KIF13A: variants seen among roughly 807,000 people sequenced by gnomAD.
KIF13A encodes the protein kinesin family member 13A, also known as kinesin-like protein KIF13A.
A neutral mutation model predicts 212.2 loss-of-function variants in KIF13A; 79 were observed. The ratio of observed to expected loss-of-function variants is 0.37; its 90% CI spans 0.31 to 0.45. The LOEUF (loss-of-function observed/expected upper bound fraction) is 0.45, where lower values mean the gene tolerates loss of function less well. KIF13A is among the 20% of genes least tolerant of loss of function. The pLI, the probability that KIF13A is intolerant of heterozygous loss-of-function variation, is 1.00. For missense variants in KIF13A, 1,901 were observed against 2,209.0 expected (o/e 0.86, Z 2.79); for synonymous variants, 789 against 808.6 (o/e 0.98, Z 0.41).
At chr6:17,878,988 T>C (rs1770815958) in intron 3 of KIF13A, among the ~76,000 whole-genome samples, 1 of 152,188 alleles carries the variant, frequency 6.6e-6, no homozygotes, top group South Asian at 2.1e-4. Context: ...AAACCAGTCT[T>C]GGAGTATAGG....
At chr6:17,852,859 C>T (rs570783316) in intron 6 of KIF13A, among the ~76,000 whole-genome samples, 4 of 152,210 alleles carry the variant, frequency 2.6e-5, no homozygotes, top group African/African-American at 7.2e-5. Flanking sequence ...TAATTACTGA[C>T]GTTTGTACTA....
Position 17,947,669 on chromosome 6 carries a change from T to C in KIF13A, c.146+39385A>G, listed in dbSNP as rs1777520288. Among the ~76,000 whole-genome samples, 1 of 151,958 alleles carries C rather than the reference T, an allele frequency of 6.6e-6. No individual in the cohort carries two copies. Among genetic ancestry groups the C allele is most frequent in the Non-Finnish European group, 1.5e-5 (1 of 68,006 alleles). ...CTGGGCAACACGGTGAAACCCTATC[T>C]CTACTAAAAATACAAAAAAAAATTA... On this transcript the variant is annotated intron_variant, in intron 2 of 38. Transcript: ENST00000259711. This position sits in a 1 kb window ranked among gnomAD's most constrained non-coding sequence, Gnocchi z 4.6.
rs868163134 is a variant in KIF13A at position 17,873,389 on chromosome 6, T to C, written c.208A>G (p.Thr70Ala). ...CFWSMDESNT[T>A]KYAGQEVVFK... ...GGAGAAAACTTACCAGCGTATTTTGTAGTGTTAGATTCATCCATGGACCAA... is the reference window on the plus strand; with the variant it reads ...GGAGAAAACTTACCAGCGTATTTTGCAGTGTTAGATTCATCCATGGACCAA... The change falls in exon 4 of 39, where the codon ACA becomes GCA. Residue 70 changes from threonine (T) to alanine (A), a missense_variant. Thr to Ala is a moderately conservative substitution (Grantham distance 58). Coordinates refer to ENST00000259711, the MANE Select transcript of KIF13A (RefSeq NM_022113.6). 3.1e-6 allele frequency: 5 copies of C among 1,596,358 alleles called. No homozygotes were observed. The highest frequency in any genetic ancestry group is 1.1e-5 in the South Asian group (1 of 87,764).
chr6:17,805,819 C>T (rs571889916), intron 18 of KIF13A, among the ~76,000 whole-genome samples: 11 of 152,176 alleles, frequency 7.2e-5, no homozygotes, highest in East Asian at 1.9e-4. Flanking sequence ...ATTTTTATCA[C>T]GATCAAGACC....
At chr6:17,842,719 AT>A (rs1434964684) in intron 9 of KIF13A, among the ~76,000 whole-genome samples, 2 of 151,510 alleles carry the variant, frequency 1.3e-5, no homozygotes, top group African/African-American at 2.4e-5. Flanking sequence ...TTAAGATAGA[AT>A]TTTTTTTAAA....
chr6:17,905,821 A>G (rs1284929809), intron 2 of KIF13A, among the ~76,000 whole-genome samples: 1 of 152,232 alleles, frequency 6.6e-6, no homozygotes, highest in Non-Finnish European at 1.5e-5. Flanking sequence ...CTCAGCAGTT[A>G]GACTACAGTT....
intron 18 of KIF13A, among the ~76,000 whole-genome samples, chr6:17,806,080 T>C (rs181112142): frequency 1.7e-4 from 26 of 152,084 alleles, no homozygotes; most frequent in African/African-American, 5.8e-4. Context: ...ACACCATGAC[T>C]GACTATTTTT....
Position 17,799,995 on chromosome 6 carries a change from C to T in KIF13A, c.2573G>A (p.Ser858Asn), listed in dbSNP as rs374346705. Residue 858 changes from serine (S) to asparagine (N), a missense_variant, in exon 21 of 39, where the codon AGC (serine) becomes AAC (asparagine). Ser to Asn is a conservative substitution (Grantham distance 46). Coordinates refer to ENST00000259711, the MANE Select transcript of KIF13A (RefSeq NM_022113.6). The surrounding 1 kb of genome is among the most constrained non-coding windows in gnomAD (Gnocchi z 4.4). ...GACTCGGTGAATGATTTCCCCGCTG[C>T]TGTCTACGACTTCAAGGCTCCCACT... is the stretch of plus-strand genomic sequence containing the variant. ...SESGSLEVVD[S>N]SGEIIHRVKK... The T allele has an allele frequency of 7.4e-6, 12 of 1,614,040 alleles. No homozygotes were observed. The East Asian group carries it at 1.8e-4, about 24-fold the overall frequency.
At chr6:17,905,282 T>C (rs369538265) in intron 2 of KIF13A, among the ~76,000 whole-genome samples, 1 of 152,214 alleles carries the variant, frequency 6.6e-6, no homozygotes, top group Non-Finnish European at 1.5e-5. Context: ...CAAGTATTTA[T>C]TGAGTACTAA....
rs529988425 is a variant in KIF13A, at chr6:17,859,704, C to T, written c.221-3582G>A. 5.4e-5 allele frequency among the ~76,000 whole-genome samples: 8 copies of T among 146,986 alleles called. No homozygotes were observed. In the South Asian group the frequency reaches 1.3e-3, roughly 24 times the overall value. Reference sequence around the variant, plus strand: ...AGGGTGGAGTGCAATGGTGCGATCTCGGCTCACTGCAACCTCCACCTCTCG... The same window carrying T: ...AGGGTGGAGTGCAATGGTGCGATCTTGGCTCACTGCAACCTCCACCTCTCG... On this transcript the variant is annotated intron_variant, in intron 4 of 38. Coordinates refer to ENST00000259711, the MANE Select transcript of KIF13A (RefSeq NM_022113.6).
intron 20 of KIF13A, among the ~76,000 whole-genome samples, chr6:17,800,992 A>C (rs1046804531): frequency 1.3e-5 from 2 of 151,434 alleles, no homozygotes; most frequent in Non-Finnish European, 2.9e-5. Flanking sequence ...TCGGCCTCCC[A>C]AAGTGCTGGG....
chr6:17,864,403 G>A (rs1769155329), intron 4 of KIF13A, among the ~76,000 whole-genome samples: 1 of 152,168 alleles, frequency 6.6e-6, no homozygotes, highest in Non-Finnish European at 1.5e-5. Flanking sequence ...CACAATGTCA[G>A]AACAACAGAG....
chr6:17,930,968 A>G (rs1775935505), intron 2 of KIF13A, among the ~76,000 whole-genome samples: 1 of 152,234 alleles, frequency 6.6e-6, no homozygotes, highest in Admixed American at 6.5e-5. Flanking sequence ...CGGCAGGTTC[A>G]TTTTTGATTA....
In KIF13A at chr6:17,773,433, A is replaced by G. The variant is rs111902485; in HGVS notation, c.4324+45T>C. ...AAAGACATTTTTTCATACTTTTTCT[A>G]AGTAATTACAAAGAAATATCACTGC... On this transcript the variant is annotated intron_variant, in intron 36 of 38. Transcript: ENST00000259711. The surrounding 1 kb of genome is among the most constrained non-coding windows in gnomAD (Gnocchi z 4.2). 1,842 of 1,093,302 alleles carry G rather than the reference A, an allele frequency of 1.7e-3. 19 individuals are homozygous for G. In the African/African-American group the frequency reaches 0.025, roughly 15 times the overall value. The allele number at this position is 1,093,302 out of a possible 1,614,324, so 67.7% of individuals were successfully genotyped here. A position where few individuals can be genotyped will look rare whatever the true frequency, so the allele number is the denominator to read the frequency against.
Position 17,967,452 on chromosome 6 carries a change from T to A in KIF13A, c.146+19602A>T, listed in dbSNP as rs1398265332. 6.6e-6 allele frequency among the ~76,000 whole-genome samples: 1 copy of A among 152,184 alleles called. No homozygotes were observed. The highest frequency in any genetic ancestry group is 1.5e-5 in the Non-Finnish European group (1 of 68,030). The stretch of plus-strand genomic sequence containing the variant: ...AAAAAAGCTATATTAAAAACAAAGT[T>A]CTTATGAATAAAGAAAGAGAGAACT... On this transcript the variant is annotated intron_variant, in intron 2 of 38. Transcript: ENST00000259711. The surrounding 1 kb of genome is among the most constrained non-coding windows in gnomAD (Gnocchi z 4.1).
rs914210241 is a variant in KIF13A, at chr6:17,971,138, A to C, written c.146+15916T>G. 6.6e-6 allele frequency among the ~76,000 whole-genome samples: 1 copy of C among 152,216 alleles called. No individual in the cohort carries two copies. Among genetic ancestry groups the C allele is most frequent in the African/African-American group, 2.4e-5 (1 of 41,464 alleles). On this transcript the variant is annotated intron_variant, in intron 2 of 38. Transcript: ENST00000259711. The surrounding 1 kb of genome is among the most constrained non-coding windows in gnomAD (Gnocchi z 4.2). The stretch of plus-strand genomic sequence containing the variant: ...GGGAAAATATCCTTTAATGATTCTT[A>C]GTATGATCTGGCCTGAAGGACCCAA...
At position 17,910,286 on chromosome 6, in the gene KIF13A, C is replaced by T. The variant is rs143752568; in HGVS notation, c.147-12106G>A. Among the ~76,000 whole-genome samples, 23 of 152,300 alleles carry T rather than the reference C, an allele frequency of 1.5e-4. No homozygotes were observed. In the East Asian group the frequency reaches 4.2e-3, roughly 28 times the overall value. ...AGAACATAGAAGTACTGTCTCATTA[C>T]CTGAAAAGATAGAGAACCTAGAAGT... On this transcript the variant is annotated intron_variant, in intron 2 of 38. Coordinates refer to ENST00000259711, the MANE Select transcript of KIF13A (RefSeq NM_022113.6).
At chr6:17,842,115 C>A (rs1329313328) in intron 9 of KIF13A, among the ~76,000 whole-genome samples, 4 of 151,616 alleles carry the variant, frequency 2.6e-5, no homozygotes, top group Non-Finnish European at 4.4e-5. Context: ...GTGGTACAAT[C>A]CTGGCTCACT....
At position 17,794,506 on chromosome 6, in the gene KIF13A, A is replaced by G. The variant is rs116734242; in HGVS notation, c.3075+66T>C. 1.3e-4 allele frequency: 198 copies of G among 1,563,086 alleles called. 3 individuals carry two copies. In the African/African-American group the frequency reaches 2.6e-3, roughly 20 times the overall value. The stretch of plus-strand genomic sequence containing the variant: ...AGATACAAATAGTTAGAAAATCCCC[A>G]GAAACAATGTGTAAGAGTGGAACAG... On this transcript the variant is annotated intron_variant, in intron 24 of 38. Transcript: ENST00000259711. This position sits in a 1 kb window ranked among gnomAD's most constrained non-coding sequence, Gnocchi z 4.1.
Sources: allele counts gnomAD v4.1 joint callset (sites outside exome capture counted in the v4.1 genomes callset), GRCh38; gene constraint gnomAD v4.1.1; non-coding constraint Gnocchi (gnomAD v3.1); transcripts MANE v1.5; gene names NCBI Gene and HGNC (gene_info 2026-07-23, HGNC 2026-07-21).